Variants in PALD1 observed in about 807,000 individuals in gnomAD.
The protein encoded by PALD1 is phosphatase domain containing paladin 1, also known as paladin.
A neutral mutation model predicts 96.0 loss-of-function variants in PALD1; 57 were observed. That is an observed-to-expected ratio of 0.59 (90% CI 0.48 to 0.74). PALD1 has a LOEUF of 0.74. Ranked by LOEUF, PALD1 falls within the 30% of genes least tolerant of loss-of-function variation. The pLI is 0.00. For synonymous variants in PALD1, 464 were observed against 473.6 expected, an observed-to-expected ratio of 0.98 and a Z score of 0.26; for missense variants, 1,063 against 1,143.7, an observed-to-expected ratio of 0.93 and a Z score of 1.02.
At chr10:70,525,847 G>A in intron 1 of PALD1, 76 bp from the exon 2 acceptor site, 2 of 1,142,466 alleles carry the variant, frequency 1.8e-6, no homozygotes, top group Non-Finnish European at 2.6e-6. Context: ...GTATGGTGGA[G>A]GGCGAGAGGT....
chr10:70,521,819 G>A (rs1312612643), intron 1 of PALD1, among the ~76,000 whole-genome samples: 2 of 151,878 alleles, frequency 1.3e-5, no homozygotes, highest in East Asian at 1.9e-4. Context: ...CAGGCATGAA[G>A]CAAGCGCAGC....
chr10:70,564,436 G>A lies in PALD1; in HGVS notation c.2335G>A (p.Val779Ile), dbSNP rs774838058. 4.0e-5 allele frequency: 64 copies of A among 1,614,060 alleles called. No individual in the cohort carries two copies. Among genetic ancestry groups the A allele is most frequent in the Non-Finnish European group, 5.3e-5 (63 of 1,180,012 alleles). ...LRSLQYLERYVCLILFNAYLH... is the reference protein window; with the variant it reads ...LRSLQYLERYICLILFNAYLH... ...GAGCCTGCAGTACTTGGAGCGCTAT[G>A]TCTGCCTGATTCTCTTCAACGCGTA... The change falls in exon 19 of 20, where the codon GTC (valine) becomes ATC (isoleucine). Residue 779 changes from valine to isoleucine, a missense_variant. Coordinates refer to ENST00000263563, the MANE Select transcript of PALD1 (RefSeq NM_014431.3).
At chr10:70,507,521 A>G (rs1479562187) in intron 1 of PALD1, among the ~76,000 whole-genome samples, 1 of 152,210 alleles carries the variant, frequency 6.6e-6, no homozygotes, top group Non-Finnish European at 1.5e-5. Flanking sequence ...ACCTGGGCTC[A>G]AGTGATCCTC....
chr10:70,501,545 G>T (rs944570148), intron 1 of PALD1, among the ~76,000 whole-genome samples: 43 of 152,178 alleles, frequency 2.8e-4, no homozygotes, highest in African/African-American at 9.7e-4. Flanking sequence ...TTCCAGCAGT[G>T]GCACCTCGGG....
the PALD1 span, among the ~76,000 whole-genome samples, chr10:70,460,888 C>T: frequency 6.6e-6 from 1 of 152,028 alleles, no homozygotes. Flanking sequence ...AACCCCGTCT[C>T]TACTAAAAAT....
intron 17 of PALD1, among the ~76,000 whole-genome samples, chr10:70,541,827 G>C (rs1847255248): frequency 6.6e-6 from 1 of 152,148 alleles, no homozygotes. Context: ...CCACCGTCTT[G>C]TCTGGGTAAT....
chr10:70,505,609 C>T (rs1337093871), intron 1 of PALD1, among the ~76,000 whole-genome samples: 145 of 1,158 alleles, frequency 0.13, no homozygotes, highest in South Asian at 0.36. Flanking sequence ...TGTCTCAAAA[C>T]AAAACAAAAC....
chr10:70,563,036 A>G (rs2184390), intron 18 of PALD1, among the ~76,000 whole-genome samples: 146,656 of 152,194 alleles, frequency 0.96, 70,881 homozygotes, highest in East Asian at 1. Context: ...GTGTAACCTT[A>G]GCTATAGAGA....
chr10:70,561,273 A>G (rs1408749623), intron 18 of PALD1, among the ~76,000 whole-genome samples: 1 of 152,226 alleles, frequency 6.6e-6, no homozygotes, highest in Non-Finnish European at 1.5e-5. Context: ...AGGGCGTTTC[A>G]CGCCCATAGC....
chr10:70,480,382 C>A (rs550678396), intron 1 of PALD1, among the ~76,000 whole-genome samples: 4 of 152,174 alleles, frequency 2.6e-5, no homozygotes. Flanking sequence ...GCCTCTGTCG[C>A]GGGGGGTTGG....
upstream of PALD1, among the ~76,000 whole-genome samples, chr10:70,477,744 C>CT (rs1264797950): frequency 1.1e-4 from 17 of 152,214 alleles, no homozygotes; most frequent in Admixed American, 2.0e-4. Flanking sequence ...GAGGTGGGGC[C>CT]TACACTGCCT....
chr10:70,495,342 T>C (rs1846175608), intron 1 of PALD1, among the ~76,000 whole-genome samples: 1 of 143,214 alleles, frequency 7.0e-6, no homozygotes, highest in African/African-American at 2.5e-5. Context: ...CCTCCCTCCC[T>C]CCCTCTCCTT....
intron 2 of PALD1, among the ~76,000 whole-genome samples, chr10:70,527,267 G>T (rs1332708835): frequency 3.3e-5 from 5 of 152,212 alleles, no homozygotes; most frequent in Non-Finnish European, 7.3e-5. Context: ...ACCAAGTGAT[G>T]TGTCTCAGAA....
chr10:70,461,769 GGCA>G, the PALD1 span, among the ~76,000 whole-genome samples: 1 of 152,066 alleles, frequency 6.6e-6, no homozygotes, highest in Non-Finnish European at 1.5e-5. Context: ...TTTACGACTT[GGCA>G]TTGTGATTTT....
At chr10:70,536,910 C>T (rs1006746080) in intron 10 of PALD1, among the ~76,000 whole-genome samples, 4 of 152,154 alleles carry the variant, frequency 2.6e-5, no homozygotes, top group African/African-American at 9.7e-5. Flanking sequence ...GGACAACCCC[C>T]CATGCAGAGG....
chr10:70,541,574 G>T (rs1049259078), intron 17 of PALD1, 40 bp downstream of exon 17: 2 of 1,483,290 alleles, frequency 1.3e-6, no homozygotes, highest in Non-Finnish European at 1.9e-6. Context: ...ACCTTGGGAT[G>T]GGAGGAGGAG....
chr10:70,508,838 G>GGGACCA (rs1846454536), intron 1 of PALD1, among the ~76,000 whole-genome samples: 1 of 50,578 alleles, frequency 2.0e-5, no homozygotes, highest in Admixed American at 1.8e-4. Context: ...TGGGAGCTGC[G>GGGACCA]GAACCTGTGT....
chr10:70,528,352 G>C (rs1429978425), intron 2 of PALD1, among the ~76,000 whole-genome samples: 1 of 152,212 alleles, frequency 6.6e-6, no homozygotes. Flanking sequence ...AAATAGCCCT[G>C]TGTGGAGGTA....
intron 17 of PALD1, among the ~76,000 whole-genome samples, chr10:70,544,641 T>C (rs1847323294): frequency 6.6e-6 from 1 of 152,010 alleles, no homozygotes; most frequent in Non-Finnish European, 1.5e-5. Flanking sequence ...CAGCTGTCGA[T>C]GTGGAATTCA....
Sources: gnomAD v4.1 joint callset for allele counts (sites outside exome capture counted in the v4.1 genomes callset) on GRCh38, gnomAD v4.1.1 for gene constraint, MANE v1.5 for transcripts, NCBI Gene and HGNC (gene_info 2026-07-23, HGNC 2026-07-21) for gene names.